CALHM5: variants seen among roughly 807,000 people sequenced by gnomAD.
CALHM5 encodes calcium homeostasis modulator protein 5.
CALHM5 carries 17 observed loss-of-function variants against 20.9 expected under a neutral mutation model. The observed-to-expected ratio is 0.82, with a 90% CI of 0.56 to 1.22. The LOEUF (loss-of-function observed/expected upper bound fraction) is 1.22. CALHM5 is among the 50% of genes most tolerant of loss of function. The probability of loss-of-function intolerance (pLI) is 0.00; values close to 1 mark genes in which losing one functional copy is unlikely to be tolerated. For missense variants in CALHM5, 360 were observed against 364.6 expected, an observed-to-expected ratio of 0.99 and a Z score of 0.10; for synonymous variants, 148 against 140.0, an observed-to-expected ratio of 1.06 and a Z score of -0.40.
At position 116,520,518 on chromosome 6, in the gene CALHM5, A is replaced by G. The variant is rs563003609; in HGVS notation, c.*4529A>G. 2 of 152,302 alleles carry G rather than the reference A, an allele frequency of 1.3e-5. No homozygotes were observed. The highest frequency in any genetic ancestry group is 1.9e-4 in the East Asian group (1 of 5,192). 9.4% of individuals were successfully genotyped at this position (152,302 alleles called of 1,614,324 possible). On this transcript the variant is annotated 3_prime_UTR_variant, in exon 2 of 2. Transcript: ENST00000368599. ...ATGAGAGGTTGGATGGAAAGCATCT[A>G]TCTGTGTTTGTCAGTAGCTCTCGAT...
rs757396231 is a variant in CALHM5, at chr6:116,512,217, C to A, written c.521C>A (p.Ser174Tyr). The change falls in exon 1 of 2, where the codon TCC (serine) becomes TAC (tyrosine). Residue 174 changes from serine (S) to tyrosine (Y), a missense_variant. Physicochemically the swap from Ser to Tyr is moderately radical, Grantham distance 144. Transcript: ENST00000368599. ...ACCGTCAATGAAGAACTGAAACTCT[C>A]CCTTCAGGCCCAGTCTCAGGTAAGA... is the stretch of plus-strand genomic sequence containing the variant. The part of the protein sequence containing the change: ...LPTVNEELKL[S>Y]LQAQSQILGW... The A allele has an allele frequency of 4.4e-6, 7 of 1,599,550 alleles. No homozygotes were observed. Among genetic ancestry groups the A allele is most frequent in the Non-Finnish European group, 5.1e-6 (6 of 1,176,690 alleles).
In CALHM5 at chr6:116,516,243, A is replaced by C. The variant is rs1772222528; in HGVS notation, c.*254A>C. 1 of 358,886 alleles carries C rather than the reference A, an allele frequency of 2.8e-6. No homozygotes were observed. Among genetic ancestry groups the C allele is most frequent in the Admixed American group, 4.4e-5 (1 of 22,552 alleles). The allele number at this position is 358,886 out of a possible 1,614,324, so 22.2% of individuals were successfully genotyped here. A position where few individuals can be genotyped will look rare whatever the true frequency, so the allele number is the denominator to read the frequency against. On this transcript the variant is annotated 3_prime_UTR_variant, in exon 2 of 2. Transcript: ENST00000368599. ...CAGTAGGCCTAAATGTTGCTCCAAG[A>C]TCTAAGATTTTATCATTCAACAGAC... is the stretch of plus-strand genomic sequence containing the variant.
rs1357680086 is a variant in CALHM5 at position 116,522,436 on chromosome 6, T to G, written c.*6447T>G. 6.6e-6 allele frequency: 1 copy of G among 152,158 alleles called. No individual in the cohort carries two copies. The highest frequency in any genetic ancestry group is 1.5e-5 in the Non-Finnish European group (1 of 68,020). 9.4% of individuals were successfully genotyped at this position (152,158 alleles called of 1,614,324 possible). On this transcript the variant is annotated 3_prime_UTR_variant, in exon 2 of 2. Coordinates refer to ENST00000368599, the MANE Select transcript of CALHM5 (RefSeq NM_153711.5). ...TAAAAAGACAAAAATTACAGGCAAA[T>G]TGTATTTATACATTTATACATTCTC...
At chr6:116,514,600 T>C (rs962139021) in intron 1 of CALHM5, among the ~76,000 whole-genome samples, 20 of 152,292 alleles carry the variant, frequency 1.3e-4, no homozygotes, top group African/African-American at 4.8e-4. Flanking sequence ...ATAAAAAGAA[T>C]ACGCATAGTA....
At position 116,516,717 on chromosome 6, in the gene CALHM5, A is replaced by ACG. The variant is rs1772236445; in HGVS notation, c.*729_*730insGC. The ACG allele has an allele frequency of 3.4e-5, 5 of 146,276 alleles. No individual in the cohort carries two copies. Among genetic ancestry groups the ACG allele is most frequent in the Non-Finnish European group, 6.0e-5 (4 of 66,650 alleles). The allele number at this position is 146,276 out of a possible 1,614,324, so 9.1% of individuals were successfully genotyped here. Reference sequence around the variant, plus strand: ...TATATATATATATATATACACACACACAGAAATATATATTTATAACTGCAT... The same window carrying ACG: ...TATATATATATATATATACACACACACGCAGAAATATATATTTATAACTGCAT... On this transcript the variant is annotated 3_prime_UTR_variant, in exon 2 of 2. Transcript: ENST00000368599.
rs2115174531 is a variant in CALHM5 at position 116,521,921 on chromosome 6, T to C, written c.*5932T>C. ...GCCTTGGTCTCTTACAATGTTGCAA[T>C]GCTCAACAGTCTGGTAAAAGCCACT... On this transcript the variant is annotated 3_prime_UTR_variant, in exon 2 of 2. Transcript: ENST00000368599. 6.6e-6 allele frequency: 1 copy of C among 152,258 alleles called. No individual in the cohort carries two copies. Among genetic ancestry groups the C allele is most frequent in the East Asian group, 1.9e-4 (1 of 5,176 alleles). 9.4% of individuals were successfully genotyped at this position (152,258 alleles called of 1,614,324 possible). A position where few individuals can be genotyped will look rare whatever the true frequency, so the allele number is the denominator to read the frequency against.
In CALHM5 at chr6:116,515,960, G is replaced by C. The variant is rs1168744526; in HGVS notation, c.901G>C (p.Val301Leu). 1.2e-6 allele frequency: 2 copies of C among 1,607,290 alleles called. No homozygotes were observed. The highest frequency in any genetic ancestry group is 1.7e-6 in the Non-Finnish European group (2 of 1,175,002). ...CCCTGAGGATGATGAGACGACAATG[G>C]TCCTTGTGGGTACTGCCCACAATAT... ...LSPEDDETTM[V>L]LVGTAHNM The change falls in exon 2 of 2, where the codon GTC becomes CTC. Residue 301 changes from valine (V) to leucine (L), a missense_variant. Val to Leu is a conservative substitution (Grantham distance 32). Transcript: ENST00000368599.
rs1772127742 is a variant in CALHM5, at chr6:116,511,880, T to G, written c.184T>G (p.Leu62Val). Residue 62 changes from leucine (L) to valine (V), a missense_variant, in exon 1 of 2, where the codon TTA becomes GTA. By Grantham distance (32) the Leu-to-Val change is conservative. Coordinates refer to ENST00000368599, the MANE Select transcript of CALHM5 (RefSeq NM_153711.5). ...LVFLFAPAWV[L>V]LILGFFLNNR... ...TTTCCTCTTTGCTCCTGCCTGGGTG[T>G]TACTGATCCTGGGATTCTTTCTGAA... The G allele has an allele frequency of 2.5e-6, 4 of 1,613,960 alleles. No homozygotes were observed. Among genetic ancestry groups the G allele is most frequent in the Non-Finnish European group, 3.4e-6 (4 of 1,179,998 alleles).
At chr6:116,513,003 A>G (rs369113374) in intron 1 of CALHM5, among the ~76,000 whole-genome samples, 3 of 152,322 alleles carry the variant, frequency 2.0e-5, no homozygotes, top group Middle Eastern at 3.4e-3. Context: ...TCATTCCTCC[A>G]GGCACATGAA....
At position 116,515,978 on chromosome 6, in the gene CALHM5, C is replaced by G; in HGVS notation, c.919C>G (p.His307Asp). Residue 307 changes from histidine to aspartate, a missense_variant, in exon 2 of 2, where the codon CAC becomes GAC. By Grantham distance (81) the His-to-Asp change is moderately conservative. Coordinates refer to ENST00000368599, the MANE Select transcript of CALHM5 (RefSeq NM_153711.5). Reference sequence around the variant, plus strand: ...GACAATGGTCCTTGTGGGTACTGCCCACAATATGTAGCTCATCCACCATCA... The same window carrying G: ...GACAATGGTCCTTGTGGGTACTGCCGACAATATGTAGCTCATCCACCATCA... Reference protein sequence around the residue: ...ETTMVLVGTAHNM With the variant: ...ETTMVLVGTADNM 6.3e-7 allele frequency: 1 copy of G among 1,595,444 alleles called. No homozygotes were observed. Among genetic ancestry groups the G allele is most frequent in the South Asian group, 1.1e-5 (1 of 89,652 alleles).
rs533787823 is a variant in CALHM5, at chr6:116,519,037, A to T, written c.*3048A>T. ...AGTCCTGGAGGCAGTGGAGTAAGAT[A>T]GGGAGAGCAAATTGGTGTCTGCTCT... On this transcript the variant is annotated 3_prime_UTR_variant, in exon 2 of 2. Coordinates refer to ENST00000368599, the MANE Select transcript of CALHM5 (RefSeq NM_153711.5). The T allele has an allele frequency of 6.6e-6, 1 of 152,372 alleles. No individual in the cohort carries two copies. Among genetic ancestry groups the T allele is most frequent in the South Asian group, 2.1e-4 (1 of 4,826 alleles). The allele number at this position is 152,372 out of a possible 1,614,324, so 9.4% of individuals were successfully genotyped here.
rs1419585052 is a variant in CALHM5 at position 116,521,197 on chromosome 6, AAT to A, written c.*5213_*5214del. 2.0e-5 allele frequency: 3 copies of A among 152,038 alleles called. No individual in the cohort carries two copies. The highest frequency in any genetic ancestry group is 4.4e-5 in the Non-Finnish European group (3 of 68,018). 9.4% of individuals were successfully genotyped at this position (152,038 alleles called of 1,614,324 possible). ...ACAAAACATGACAAATATATAACAA[AAT>A]ATATGTGCTATATATATTGTGTGTG... is the stretch of plus-strand genomic sequence containing the variant. On this transcript the variant is annotated 3_prime_UTR_variant, in exon 2 of 2. Coordinates refer to ENST00000368599, the MANE Select transcript of CALHM5 (RefSeq NM_153711.5).
Position 116,519,175 on chromosome 6 carries a change from T to TGCGCCTGACACA in CALHM5, c.*3188_*3199dup, listed in dbSNP as rs1373102842. The TGCGCCTGACACA allele has an allele frequency of 2.0e-5, 3 of 152,206 alleles. No individual in the cohort carries two copies. Among genetic ancestry groups the TGCGCCTGACACA allele is most frequent in the African/African-American group, 7.2e-5 (3 of 41,440 alleles). 9.4% of individuals were successfully genotyped at this position (152,206 alleles called of 1,614,324 possible). On this transcript the variant is annotated 3_prime_UTR_variant, in exon 2 of 2. Coordinates refer to ENST00000368599, the MANE Select transcript of CALHM5 (RefSeq NM_153711.5). Reference sequence around the variant, plus strand: ...GTCTTTGGATGTGCTCCCTAGAGGCTGCGCCTGACACAGGGAGCTGTGTAT... The same window carrying TGCGCCTGACACA: ...GTCTTTGGATGTGCTCCCTAGAGGCTGCGCCTGACACAGCGCCTGACACAGGGAGCTGTGTAT...
chr6:116,514,421 T>C (rs1468705462), intron 1 of CALHM5, among the ~76,000 whole-genome samples: 1 of 152,178 alleles, frequency 6.6e-6, no homozygotes, highest in Non-Finnish European at 1.5e-5. Context: ...TACAGAAAGA[T>C]ATTATGAGTT....
In CALHM5 at chr6:116,515,595, T is replaced by C. The variant is rs1385623599; in HGVS notation, c.541-5T>C. 1.9e-6 allele frequency: 3 copies of C among 1,599,296 alleles called. No homozygotes were observed. Among genetic ancestry groups the C allele is most frequent in the Non-Finnish European group, 2.6e-6 (3 of 1,173,150 alleles). ...GTGTGTACTCAATATTTCTTTCTTC[T>C]TAAGATTCTAGGATGGTGCCTGATT... On this transcript the variant is annotated splice_region_variant and splice_polypyrimidine_tract_variant and intron_variant, in intron 1 of 1. Transcript: ENST00000368599.
At position 116,516,309 on chromosome 6, in the gene CALHM5, G is replaced by C. The variant is rs935894716; in HGVS notation, c.*320G>C. On this transcript the variant is annotated 3_prime_UTR_variant, in exon 2 of 2. Transcript: ENST00000368599. ...GGCTCATCAGTCTCTGTAAATATTGGTTGCAGAATTTAGGGGCAGAAGCAA... is the reference window on the plus strand; with the variant it reads ...GGCTCATCAGTCTCTGTAAATATTGCTTGCAGAATTTAGGGGCAGAAGCAA... 4.8e-6 allele frequency: 1 copy of C among 207,808 alleles called. No homozygotes were observed. The highest frequency in any genetic ancestry group is 2.3e-5 in the African/African-American group (1 of 43,508). 12.9% of individuals were successfully genotyped at this position (207,808 alleles called of 1,614,324 possible).
At position 116,516,171 on chromosome 6, in the gene CALHM5, G is replaced by A. The variant is rs1772221211; in HGVS notation, c.*182G>A. On this transcript the variant is annotated 3_prime_UTR_variant, in exon 2 of 2. Coordinates refer to ENST00000368599, the MANE Select transcript of CALHM5 (RefSeq NM_153711.5). ...TGGAACATCAGGATGTGCTCAAATT[G>A]ATGCTGAGGGGTGACAAAGGTGCTC... 9.7e-6 allele frequency: 7 copies of A among 723,070 alleles called. No individual in the cohort carries two copies. In the Admixed American group the frequency reaches 2.2e-4, roughly 23 times the overall value. 44.8% of individuals were successfully genotyped at this position (723,070 alleles called of 1,614,324 possible).
Position 116,512,117 on chromosome 6 carries a change from A to T in CALHM5, c.421A>T (p.Ile141Phe). The change falls in exon 1 of 2, where the codon ATT becomes TTT. Residue 141 changes from isoleucine to phenylalanine, a missense_variant. By Grantham distance (21) the Ile-to-Phe change is conservative. Transcript: ENST00000368599. Reference sequence around the variant, plus strand: ...GAGAAGTTCAGGACTCCTGGAACTGATTTGCAAGGGTAAGCCCAAAGAGTG... The same window carrying T: ...GAGAAGTTCAGGACTCCTGGAACTGTTTTGCAAGGGTAAGCCCAAAGAGTG... ...GTRSSGLLEL[I>F]CKGKPKECWE... 6.2e-7 allele frequency: 1 copy of T among 1,614,018 alleles called. No homozygotes were observed. Among genetic ancestry groups the T allele is most frequent in the Non-Finnish European group, 8.5e-7 (1 of 1,179,986 alleles).
chr6:116,516,211 AG>A lies in CALHM5; in HGVS notation c.*226del. On this transcript the variant is annotated 3_prime_UTR_variant, in exon 2 of 2. Coordinates refer to ENST00000368599, the MANE Select transcript of CALHM5 (RefSeq NM_153711.5). ...CAAAGGTGCTCTTGCATTGGTGGAG[AG>A]GGGCTCAGTAGGCCTAAATGTTGCT... is the stretch of plus-strand genomic sequence containing the variant. The A allele has an allele frequency of 2.1e-6, 1 of 475,878 alleles. No individual in the cohort carries two copies. The highest frequency in any genetic ancestry group is 3.5e-6 in the Non-Finnish European group (1 of 284,038). 29.5% of individuals were successfully genotyped at this position (475,878 alleles called of 1,614,324 possible). A position where few individuals can be genotyped will look rare whatever the true frequency, so the allele number is the denominator to read the frequency against.
Sources: allele counts gnomAD v4.1 joint callset (sites outside exome capture counted in the v4.1 genomes callset), GRCh38; gene constraint gnomAD v4.1.1; transcripts MANE v1.5; gene names NCBI Gene and HGNC (gene_info 2026-07-23, HGNC 2026-07-21).